PAG1: variants seen among roughly 807,000 people sequenced by gnomAD.
The protein encoded by PAG1 is phosphoprotein membrane anchor with glycosphingolipid microdomains 1, also known as phosphoprotein associated with glycosphingolipid-enriched microdomains 1.
A neutral mutation model predicts 31.7 loss-of-function variants in PAG1; 23 were observed. That is an observed-to-expected ratio of 0.73 (90% CI 0.52 to 1.03). The LOEUF (loss-of-function observed/expected upper bound fraction) is 1.03, where lower values mean the gene tolerates loss of function less well. PAG1 is among the 50% of genes least tolerant of loss of function. The pLI is 0.00. For synonymous variants in PAG1, 214 were observed against 210.3 expected, an observed-to-expected ratio of 1.02 and a Z score of -0.15; for missense variants, 473 against 540.7, an observed-to-expected ratio of 0.87 and a Z score of 1.24.
At chr8:81,087,544 T>G (rs1333223358) in intron 1 of PAG1, among the ~76,000 whole-genome samples, 1 of 151,582 alleles carries the variant, frequency 6.6e-6, no homozygotes, top group Admixed American at 6.6e-5. Flanking sequence ...AACAGGAGAG[T>G]GGATAAGTCA....
chr8:81,074,181 C>T (rs915114255), intron 1 of PAG1, among the ~76,000 whole-genome samples: 6 of 152,188 alleles, frequency 3.9e-5, no homozygotes, highest in Admixed American at 6.5e-5. Context: ...AGAATAGCGG[C>T]ACAGGGACCC....
chr8:81,021,343 A>G (rs555912525), intron 3 of PAG1, among the ~76,000 whole-genome samples: 1 of 152,050 alleles, frequency 6.6e-6, no homozygotes, highest in South Asian at 2.1e-4. Flanking sequence ...AACTTACGTC[A>G]GCATGGTACA....
In PAG1 at chr8:80,993,238, G is replaced by A. The variant is rs572599428; in HGVS notation, c.-11C>T. 9 of 1,597,654 alleles carry A rather than the reference G, an allele frequency of 5.6e-6. No individual in the cohort carries two copies. The South Asian group carries it at 6.7e-5, about 12-fold the overall frequency. ...CCCCGCGGGCCCCATGGCAGGAGCA[G>A]GCACTGGCACCAGCCGAGGGAATCA... is the stretch of plus-strand genomic sequence containing the variant. On this transcript the variant is annotated 5_prime_UTR_variant, in exon 4 of 9. Transcript: ENST00000220597.
At chr8:81,008,390 T>C (rs894047230) in intron 3 of PAG1, among the ~76,000 whole-genome samples, 4 of 151,988 alleles carry the variant, frequency 2.6e-5, no homozygotes, top group Non-Finnish European at 5.9e-5. Flanking sequence ...TTAAGAACAA[T>C]GTAAGGTGTT....
chr8:80,998,230 A>T (rs1358174274), intron 3 of PAG1, among the ~76,000 whole-genome samples: 1 of 150,676 alleles, frequency 6.6e-6, no homozygotes, highest in Non-Finnish European at 1.5e-5. Context: ...CCTGGGTTCA[A>T]GCAATTCTCC....
chr8:81,079,368 T>C (rs1379417752), intron 1 of PAG1, among the ~76,000 whole-genome samples: 20 of 152,166 alleles, frequency 1.3e-4, no homozygotes, highest in Non-Finnish European at 2.9e-4. Flanking sequence ...TGTAATATAA[T>C]TTGCAGGACT....
chr8:81,018,717 C>T (rs1224972864), intron 3 of PAG1, among the ~76,000 whole-genome samples: 1 of 152,178 alleles, frequency 6.6e-6, no homozygotes, highest in African/African-American at 2.4e-5. Context: ...CCTCCCAAGC[C>T]ATGGGTAACT....
intron 1 of PAG1, among the ~76,000 whole-genome samples, chr8:81,097,320 A>G (rs1050379202): frequency 1.3e-5 from 2 of 152,208 alleles, no homozygotes; most frequent in African/African-American, 2.4e-5. Context: ...ATGTCATTAA[A>G]TGTGGAATGG....
At chr8:81,061,629 A>G (rs377613752) in intron 2 of PAG1, among the ~76,000 whole-genome samples, 1 of 152,208 alleles carries the variant, frequency 6.6e-6, no homozygotes, top group African/African-American at 2.4e-5. Flanking sequence ...AAGAATGCCT[A>G]CTCAATGCCA....
chr8:81,007,195 ATGT>A (rs1209472843), intron 3 of PAG1, among the ~76,000 whole-genome samples: 7 of 152,180 alleles, frequency 4.6e-5, no homozygotes, highest in Admixed American at 3.3e-4. Context: ...TATTAGAGAC[ATGT>A]TGTGGGAAGT....
chr8:81,074,655 C>T (rs1029312941), intron 1 of PAG1, among the ~76,000 whole-genome samples: 2 of 152,162 alleles, frequency 1.3e-5, no homozygotes, highest in Admixed American at 1.3e-4. Flanking sequence ...TCAGACCCTA[C>T]CTCAGATCTA....
rs888295765 is a variant in PAG1, at chr8:81,091,845, A to G, written c.-234+19746T>C. ...AGAAAGAAGAAGAAGAAGAAGAAGA[A>G]AAAAAAACACCCTGTCCAGGTGCAG... On this transcript the variant is annotated intron_variant, in intron 1 of 8. Transcript: ENST00000220597. Among the ~76,000 whole-genome samples, 3 of 151,760 alleles carry G rather than the reference A, an allele frequency of 2.0e-5. No homozygotes were observed. In the South Asian group the frequency reaches 6.2e-4, roughly 31 times the overall value.
chr8:81,023,028 T>C (rs1808215950), intron 3 of PAG1, among the ~76,000 whole-genome samples: 2 of 152,324 alleles, frequency 1.3e-5, no homozygotes, highest in African/African-American at 2.4e-5. Context: ...AAAGATTTCA[T>C]GTTTTTTGAC....
At chr8:80,991,037 C>T (rs1807535244) in intron 5 of PAG1, among the ~76,000 whole-genome samples, 1 of 152,202 alleles carries the variant, frequency 6.6e-6, no homozygotes, top group East Asian at 1.9e-4. Flanking sequence ...AAGATGAAGG[C>T]AGAATTTGGG....
chr8:81,080,877 C>T (rs941036133), intron 1 of PAG1, among the ~76,000 whole-genome samples: 1 of 152,134 alleles, frequency 6.6e-6, no homozygotes, highest in African/African-American at 2.4e-5. Flanking sequence ...TTCAGTCTCA[C>T]AGCTATGACT....
chr8:81,042,938 T>G (rs1348629595), intron 2 of PAG1, among the ~76,000 whole-genome samples: 11 of 152,196 alleles, frequency 7.2e-5, no homozygotes, highest in Admixed American at 7.2e-4. Flanking sequence ...TTCTCCATTC[T>G]TATGCTGATG....
chr8:81,079,781 T>G (rs975477153), intron 1 of PAG1, among the ~76,000 whole-genome samples: 7 of 152,064 alleles, frequency 4.6e-5, no homozygotes, highest in Non-Finnish European at 1.0e-4. Flanking sequence ...ATTTATTTAT[T>G]TTTTTGAGAC....
At chr8:80,977,185 G>A (rs975269481) in intron 8 of PAG1, among the ~76,000 whole-genome samples, 5 of 152,206 alleles carry the variant, frequency 3.3e-5, no homozygotes, top group African/African-American at 9.7e-5. Flanking sequence ...GGAGTGGGAA[G>A]CTCCTGAAGG....
intron 2 of PAG1, among the ~76,000 whole-genome samples, chr8:81,055,235 T>A (rs967006913): frequency 2.6e-5 from 4 of 152,082 alleles, no homozygotes; most frequent in Non-Finnish European, 4.4e-5. Context: ...GGCTAATTTT[T>A]AATTTTTTTT....
Sources: gnomAD v4.1 joint callset for allele counts (sites outside exome capture counted in the v4.1 genomes callset) on GRCh38, gnomAD v4.1.1 for gene constraint, MANE v1.5 for transcripts, NCBI Gene and HGNC (gene_info 2026-07-23, HGNC 2026-07-21) for gene names.